VTN: variants seen among roughly 807,000 people sequenced by gnomAD.
The protein encoded by VTN is complement S-protein.
VTN carries 45 observed loss-of-function variants against 55.9 expected under a neutral mutation model. The observed-to-expected ratio is 0.80, with a 90% confidence interval of 0.63 to 1.03. The LOEUF (loss-of-function observed/expected upper bound fraction) is 1.03. VTN is among the 50% of genes least tolerant of loss of function. The pLI, the probability that VTN is intolerant of heterozygous loss-of-function variation, is 0.00. For missense variants in VTN, 589 were observed against 638.2 expected, an observed-to-expected ratio of 0.92 and a Z score of 0.83; for synonymous variants, 238 against 242.3, an observed-to-expected ratio of 0.98 and a Z score of 0.17.
rs782273150 is a variant in VTN at position 28,369,039 on chromosome 17, G to C, written c.670-11C>G. 6.4e-7 allele frequency: 1 copy of C among 1,574,548 alleles called. No individual in the cohort carries two copies. The highest frequency in any genetic ancestry group is 8.6e-7 in the Non-Finnish European group (1 of 1,165,926). ...CCAGTACTGACTACCCTAAGAGGTG[G>C]GGAAAGTGAAAAGGGGTATGGAGGC... is the stretch of plus-strand genomic sequence containing the variant. On this transcript the variant is annotated splice_polypyrimidine_tract_variant and intron_variant, in intron 4 of 7. Transcript: ENST00000226218. The surrounding 1 kb of genome is among the most constrained non-coding windows in gnomAD (Gnocchi z 5.3).
chr17:28,368,163 A>G (rs947166927), intron 6 of VTN, 104 bp from the exon 7 acceptor site: 19 of 1,028,586 alleles, frequency 1.8e-5, no homozygotes, highest in Non-Finnish European at 2.5e-5. Flanking sequence ...AAAGACACAC[A>G]GCAGCGAATG....
Position 28,369,405 on chromosome 17 carries a change from C to T in VTN, c.553G>A (p.Glu185Lys), listed in dbSNP as rs555354635. The T allele has an allele frequency of 4.9e-5, 78 of 1,600,312 alleles. No individual in the cohort carries two copies. In the African/African-American group the frequency reaches 7.9e-4, roughly 16 times the overall value. The part of the protein sequence containing the change: ...FRGQYCYELD[E>K]KAVRPGYPKL... Reference sequence around the variant, plus strand: ...GGGTACCCAGGCCTCACTGCCTTTTCGTCCAGTTCATAGCAGTACTGCCCT... The same window carrying T: ...GGGTACCCAGGCCTCACTGCCTTTTTGTCCAGTTCATAGCAGTACTGCCCT... The change falls in exon 4 of 8, where the codon GAA becomes AAA. Residue 185 changes from glutamate (E) to lysine (K), a missense_variant. Around this residue, in one of 3 missense-constraint regions of VTN, gnomAD observed 217 missense variants for 241.3 expected, o/e 0.90. Coordinates refer to ENST00000226218, the MANE Select transcript of VTN (RefSeq NM_000638.4). The surrounding 1 kb of genome is among the most constrained non-coding windows in gnomAD (Gnocchi z 5.3).
In VTN at chr17:28,369,604, T is replaced by A; in HGVS notation, c.432A>T (p.Pro144=). The change falls in exon 3 of 8, where the codon CCA becomes CCT. Residue 144 remains proline, a synonymous_variant. Coordinates refer to ENST00000226218, the MANE Select transcript of VTN (RefSeq NM_000638.4). This position sits in a 1 kb window ranked among gnomAD's most constrained non-coding sequence, Gnocchi z 5.3. ...GIDSRPETLH[P]GRPQPPAEEE... is the part of the protein sequence containing the mutation. ...CCTCTGCTGGGGGCTGAGGTCTCCCTGGATGAAGGGTCTCAGGCCTTGAGT... is the reference window on the plus strand; with the variant it reads ...CCTCTGCTGGGGGCTGAGGTCTCCCAGGATGAAGGGTCTCAGGCCTTGAGT... The A allele has an allele frequency of 6.2e-7, 1 of 1,613,646 alleles. No individual in the cohort carries two copies. The highest frequency in any genetic ancestry group is 8.5e-7 in the Non-Finnish European group (1 of 1,180,010).
chr17:28,369,206 T>G lies in VTN; in HGVS notation c.669+83A>C, dbSNP rs551689633. ...GGTCCTGCAGGGCCCTGGGTCCAGC[T>G]TCCCTGTCCACCCTGTCCCTGGGAG... On this transcript the variant is annotated intron_variant, in intron 4 of 7. Coordinates refer to ENST00000226218, the MANE Select transcript of VTN (RefSeq NM_000638.4). The surrounding 1 kb of genome is among the most constrained non-coding windows in gnomAD (Gnocchi z 5.3). 2.9e-5 allele frequency: 44 copies of G among 1,516,888 alleles called. No homozygotes were observed. Among genetic ancestry groups the G allele is most frequent in the Non-Finnish European group, 3.6e-5 (41 of 1,132,764 alleles). 94.0% of individuals were successfully genotyped at this position (1,516,888 alleles called of 1,614,324 possible).
Position 28,369,274 on chromosome 17 carries a change from C to T in VTN, c.669+15G>A, listed in dbSNP as rs782047037. 1 of 1,569,248 alleles carries T rather than the reference C, an allele frequency of 6.4e-7. No individual in the cohort carries two copies. Among genetic ancestry groups the T allele is most frequent in the Non-Finnish European group, 8.7e-7 (1 of 1,153,484 alleles). On this transcript the variant is annotated intron_variant, in intron 4 of 7. Transcript: ENST00000226218. This position sits in a 1 kb window ranked among gnomAD's most constrained non-coding sequence, Gnocchi z 5.3. ...TCCCTAGATGCTTTCTACCCTGGCC[C>T]ACAGCCCCTGGCACCTTGAAGAGGT...
Position 28,369,080 on chromosome 17 carries a change from G to A in VTN, c.670-52C>T. 6.5e-7 allele frequency: 1 copy of A among 1,540,014 alleles called. No homozygotes were observed. Among genetic ancestry groups the A allele is most frequent in the Non-Finnish European group, 8.7e-7 (1 of 1,148,820 alleles). Reference sequence around the variant, plus strand: ...GTATGGAGGCCGCTGGCTGGGCACAGAGGCAGAGTCCCTTGCCCTAAGGCA... The same window carrying A: ...GTATGGAGGCCGCTGGCTGGGCACAAAGGCAGAGTCCCTTGCCCTAAGGCA... On this transcript the variant is annotated intron_variant, in intron 4 of 7. Transcript: ENST00000226218. This position sits in a 1 kb window ranked among gnomAD's most constrained non-coding sequence, Gnocchi z 5.3.
At chr17:28,368,242 G>A (rs1410923967) in intron 6 of VTN, among the ~76,000 whole-genome samples, 183 bp from the exon 7 acceptor site, 2 of 151,996 alleles carry the variant, frequency 1.3e-5, no homozygotes, top group African/African-American at 4.8e-5. Context: ...CATATCACTG[G>A]TGTCTCGACC....
chr17:28,368,615 G>A lies in VTN; in HGVS notation c.885C>T (p.Gly295=), dbSNP rs782675593. 3.7e-6 allele frequency: 6 copies of A among 1,614,006 alleles called. No individual in the cohort carries two copies. In the Admixed American group the frequency reaches 1.0e-4, roughly 27 times the overall value. ...GTTCAAACACAGCCGACAGGGAGCTGCCTTCACACTCCTCCTGACTGGGCT... is the reference window on the plus strand; with the variant it reads ...GTTCAAACACAGCCGACAGGGAGCTACCTTCACACTCCTCCTGACTGGGCT... ...QHQPSQEECE[G]SSLSAVFEHF... Residue 295 remains glycine, a synonymous_variant, in exon 6 of 8, where the codon GGC becomes GGT. Coordinates refer to ENST00000226218, the MANE Select transcript of VTN (RefSeq NM_000638.4).
chr17:28,367,286 G>A lies in VTN; in HGVS notation c.*83C>T, dbSNP rs955215538. ...CAGTCAGAACAATAATTTTAAACTC[G>A]GGGCTAAGGGACCTTTATTGGGCTG... On this transcript the variant is annotated 3_prime_UTR_variant, in exon 8 of 8. Coordinates refer to ENST00000226218, the MANE Select transcript of VTN (RefSeq NM_000638.4). 6 of 913,456 alleles carry A rather than the reference G, an allele frequency of 6.6e-6. No individual in the cohort carries two copies. In the African/African-American group the frequency reaches 8.4e-5, roughly 13 times the overall value. 56.6% of individuals were successfully genotyped at this position (913,456 alleles called of 1,614,324 possible). A position where few individuals can be genotyped will look rare whatever the true frequency, so the allele number is the denominator to read the frequency against.
intron 6 of VTN, 113 bp from the exon 7 acceptor site, chr17:28,368,172 T>C (rs2067922673): frequency 1.1e-6 from 1 of 946,488 alleles, no homozygotes; most frequent in African/African-American, 1.7e-5. Context: ...CAGCAGCGAA[T>C]GGCAGAGCCA....
In VTN at chr17:28,367,471, G is replaced by A; in HGVS notation, c.1335C>T (p.Tyr445=). The change falls in exon 8 of 8, where the codon TAC becomes TAT. Residue 445 remains tyrosine (Y), a synonymous_variant. Coordinates refer to ENST00000226218, the MANE Select transcript of VTN (RefSeq NM_000638.4). The part of the protein sequence containing the change: ...SVFFFSGDKY[Y]RVNLRTRRVD... ...CTCGCCGTGTGCGAAGATTGACTCG[G>A]TAGTACTTGTCTGGAAGAGAGGAAA... 3 of 1,613,528 alleles carry A rather than the reference G, an allele frequency of 1.9e-6. No homozygotes were observed. Among genetic ancestry groups the A allele is most frequent in the Non-Finnish European group, 2.5e-6 (3 of 1,179,800 alleles).
At position 28,369,941 on chromosome 17, in the gene VTN, T is replaced by C. The variant is rs782518955; in HGVS notation, c.170A>G (p.Glu57Gly). Residue 57 changes from glutamate to glycine, a missense_variant, in exon 2 of 8, where the codon GAG becomes GGG. Transcript: ENST00000226218. This position sits in a 1 kb window ranked among gnomAD's most constrained non-coding sequence, Gnocchi z 5.3. ...TCTGAACACACCTTGGGGCTTGCAC[T>C]CAGCCGTATAGTCTGTGCAGCAGCT... is the stretch of plus-strand genomic sequence containing the variant. ...YQSCCTDYTAECKPQVTRGDV... is the reference protein window; with the variant it reads ...YQSCCTDYTAGCKPQVTRGDV... The C allele has an allele frequency of 6.2e-7, 1 of 1,614,064 alleles. No homozygotes were observed. Among genetic ancestry groups the C allele is most frequent in the Admixed American group, 1.7e-5 (1 of 60,012 alleles).
In VTN at chr17:28,367,523, G is replaced by A. The variant is rs1456228651; in HGVS notation, c.1325-42C>T. 1.9e-6 allele frequency: 3 copies of A among 1,557,178 alleles called. No homozygotes were observed. The African/African-American group carries it at 4.1e-5, about 21-fold the overall frequency. ...CAGAGGATGCGTGAGGCCCAGCCTG[G>A]CCCTGCCCACTCTTCCCTTGAGAAG... On this transcript the variant is annotated intron_variant, in intron 7 of 7. Transcript: ENST00000226218.
In VTN at chr17:28,369,517, A is replaced by G. The variant is rs1324630625; in HGVS notation, c.519T>C (p.Phe173=). The change falls in exon 3 of 8, where the codon TTT becomes TTC. Residue 173 remains phenylalanine, a synonymous_variant. Transcript: ENST00000226218. The surrounding 1 kb of genome is among the most constrained non-coding windows in gnomAD (Gnocchi z 5.3). The part of the protein sequence containing the change: ...AFTDLKNGSL[F]AFRGQYCYEL... ...CTGCCCTGGATTCACCTCGGAAGGC[A>G]AAGAGGGAACCGTTCTTGAGGTCGG... The G allele has an allele frequency of 1.9e-6, 3 of 1,605,210 alleles. No individual in the cohort carries two copies. Among genetic ancestry groups the G allele is most frequent in the Non-Finnish European group, 2.5e-6 (3 of 1,177,312 alleles).
In VTN at chr17:28,369,298, G is replaced by A. The variant is rs1597811541; in HGVS notation, c.660C>T (p.Tyr220=). Residue 220 remains tyrosine (Y), a synonymous_variant, in exon 4 of 8, where the codon TAC becomes TAT. Coordinates refer to ENST00000226218, the MANE Select transcript of VTN (RefSeq NM_000638.4). This position sits in a 1 kb window ranked among gnomAD's most constrained non-coding sequence, Gnocchi z 5.3. Reference sequence around the variant, plus strand: ...CCACAGCCCCTGGCACCTTGAAGAGGTAGGTCTTCCCCTGACAGTTGATGC... The same window carrying A: ...CCACAGCCCCTGGCACCTTGAAGAGATAGGTCTTCCCCTGACAGTTGATGC... The part of the protein sequence containing the change: ...FTRINCQGKT[Y]LFKGSQYWRF... 3 of 1,590,190 alleles carry A rather than the reference G, an allele frequency of 1.9e-6. No individual in the cohort carries two copies. In the South Asian group the frequency reaches 3.4e-5, roughly 18 times the overall value.
Position 28,367,912 on chromosome 17 carries a change from C to T in VTN, c.1127G>A (p.Arg376His), listed in dbSNP as rs145490253. 17 of 1,611,296 alleles carry T rather than the reference C, an allele frequency of 1.1e-5. No individual in the cohort carries two copies. Among genetic ancestry groups the T allele is most frequent in the East Asian group, 2.2e-5 (1 of 44,804 alleles). Residue 376 changes from arginine to histidine, a missense_variant, in exon 7 of 8, where the codon CGC becomes CAC. Arg to His is a conservative substitution (Grantham distance 29). This residue lies in a region of VTN where 334 missense variants were observed against 328.2 expected (regional missense o/e 1.02). Transcript: ENST00000226218. The part of the protein sequence containing the change: ...AKKQRFRHRN[R>H]KGYRSQRGHS... ...GCCTCGTTGTGAACGGTAGCCTTTG[C>T]GGTTGCGATGCCTAAACCTTTGTTT...
At position 28,369,580 on chromosome 17, in the gene VTN, C is replaced by G. The variant is rs1555583640; in HGVS notation, c.456G>C (p.Glu152Asp). Residue 152 changes from glutamate to aspartate, a missense_variant, in exon 3 of 8, where the codon GAG becomes GAC. By Grantham distance (45) the Glu-to-Asp change is conservative. Transcript: ENST00000226218. The surrounding 1 kb of genome is among the most constrained non-coding windows in gnomAD (Gnocchi z 5.3). ...LHPGRPQPPAEEELCSGKPFD... is the reference protein window; with the variant it reads ...LHPGRPQPPADEELCSGKPFD... ...AGGGCTTCCCACTGCACAGCTCCTCCTCTGCTGGGGGCTGAGGTCTCCCTG... is the reference window on the plus strand; with the variant it reads ...AGGGCTTCCCACTGCACAGCTCCTCGTCTGCTGGGGGCTGAGGTCTCCCTG... 1.2e-6 allele frequency: 2 copies of G among 1,613,088 alleles called. No homozygotes were observed. Among genetic ancestry groups the G allele is most frequent in the East Asian group, 2.2e-5 (1 of 44,878 alleles).
In VTN at chr17:28,369,058, T is replaced by C; in HGVS notation, c.670-30A>G. ...GAGGTGGGGAAAGTGAAAAGGGGTA[T>C]GGAGGCCGCTGGCTGGGCACAGAGG... is the stretch of plus-strand genomic sequence containing the variant. On this transcript the variant is annotated intron_variant, in intron 4 of 7. Transcript: ENST00000226218. This position sits in a 1 kb window ranked among gnomAD's most constrained non-coding sequence, Gnocchi z 5.3. The C allele has an allele frequency of 6.4e-7, 1 of 1,555,274 alleles. No homozygotes were observed. The highest frequency in any genetic ancestry group is 8.6e-7 in the Non-Finnish European group (1 of 1,156,200).
intron 1 of VTN, 22 bp from the exon 2 acceptor site, chr17:28,370,068 C>T (rs782588952): frequency 1.9e-5 from 30 of 1,614,032 alleles, no homozygotes; most frequent in Admixed American, 8.3e-5. Flanking sequence ...GAGTGTCAGT[C>T]GGTGCCACCA....
Sources: allele counts gnomAD v4.1 joint callset (sites outside exome capture counted in the v4.1 genomes callset), GRCh38; gene constraint gnomAD v4.1.1; regional missense constraint gnomAD v4.1.1; non-coding constraint Gnocchi (gnomAD v3.1); transcripts MANE v1.5; gene names NCBI Gene and HGNC (gene_info 2026-07-23, HGNC 2026-07-21).